TNRC6A: variants seen among roughly 807,000 people sequenced by gnomAD.
TNRC6A encodes trinucleotide repeat-containing gene 6A protein.
TNRC6A carries 44 observed loss-of-function variants against 221.2 expected under a neutral mutation model. That is an observed-to-expected ratio of 0.20 (90% CI 0.16 to 0.26). The LOEUF is 0.26. Ranked by LOEUF, TNRC6A falls within the 10% of genes least tolerant of loss-of-function variation. The pLI is 1.00. For synonymous variants in TNRC6A, 847 were observed against 838.5 expected, an observed-to-expected ratio of 1.01 and a Z score of -0.18; for missense variants, 2,199 against 2,404.4, an observed-to-expected ratio of 0.91 and a Z score of 1.79.
intron 2 of TNRC6A, among the ~76,000 whole-genome samples, chr16:24,693,587 C>T (rs1478583544): frequency 6.6e-6 from 1 of 151,732 alleles, no homozygotes; most frequent in Non-Finnish European, 1.5e-5. Flanking sequence ...GACTCCATCT[C>T]AAAATACATA....
chr16:24,715,304 A>G (rs947483003), intron 2 of TNRC6A, among the ~76,000 whole-genome samples: 1 of 151,128 alleles, frequency 6.6e-6, no homozygotes, highest in African/African-American at 2.4e-5. Context: ...TGAACTTCTG[A>G]GCTCAGGTGA....
At position 24,751,401 on chromosome 16, in the gene TNRC6A, T is replaced by G. The variant is rs914943984; in HGVS notation, c.141+588T>G. Among the ~76,000 whole-genome samples the G allele has an allele frequency of 2.6e-5, 4 of 152,190 alleles. No homozygotes were observed. In the East Asian group the frequency reaches 7.7e-4, roughly 29 times the overall value. ...GTGTACATTAGCCTTAAAATAAACC[T>G]CGGACATTGTTTACTGCAAGGGAAT... On this transcript the variant is annotated intron_variant, in intron 3 of 24. Transcript: ENST00000395799.
intron 2 of TNRC6A, among the ~76,000 whole-genome samples, chr16:24,641,315 C>A (rs779906497): frequency 6.6e-6 from 1 of 152,132 alleles, no homozygotes; most frequent in Non-Finnish European, 1.5e-5. Context: ...GACCCATGCT[C>A]TTTCTGATAT....
chr16:24,680,350 G>T (rs1363480489), intron 2 of TNRC6A, among the ~76,000 whole-genome samples: 1 of 151,816 alleles, frequency 6.6e-6, no homozygotes, highest in African/African-American at 2.4e-5. Context: ...GACTCTGAGA[G>T]GTCCAGGCTA....
intron 2 of TNRC6A, among the ~76,000 whole-genome samples, chr16:24,687,856 G>GAAGAAT (rs1252000271): frequency 2.0e-5 from 3 of 149,872 alleles, no homozygotes; most frequent in African/African-American, 7.3e-5. Context: ...AGAAGAAGAA[G>GAAGAAT]AAGAAGAAGA....
At chr16:24,746,991 G>A (rs969286016) in intron 2 of TNRC6A, among the ~76,000 whole-genome samples, 1 of 152,114 alleles carries the variant, frequency 6.6e-6, no homozygotes, top group Non-Finnish European at 1.5e-5. Context: ...GGCCAGAAAC[G>A]CATTCTTGAA....
chr16:24,697,793 G>A (rs563945305), intron 2 of TNRC6A, among the ~76,000 whole-genome samples: 1 of 152,266 alleles, frequency 6.6e-6, no homozygotes, highest in African/African-American at 2.4e-5. Context: ...TGTAATCCCA[G>A]CACTTTGGGA....
chr16:24,720,483 G>C (rs1284913286), intron 2 of TNRC6A, among the ~76,000 whole-genome samples: 1 of 151,630 alleles, frequency 6.6e-6, no homozygotes, highest in Admixed American at 6.6e-5. Flanking sequence ...GAGGTCAGGA[G>C]TTCGAGACCA....
At chr16:24,768,457 T>C (rs564742602) in intron 4 of TNRC6A, among the ~76,000 whole-genome samples, 1 of 149,018 alleles carries the variant, frequency 6.7e-6, no homozygotes, top group South Asian at 2.1e-4. Flanking sequence ...AAAAAAATCT[T>C]AATTGCAATG....
intron 4 of TNRC6A, among the ~76,000 whole-genome samples, chr16:24,759,947 C>T (rs1362058709): frequency 6.6e-6 from 1 of 152,046 alleles, no homozygotes; most frequent in African/African-American, 2.4e-5. Context: ...TTTCCTAAAA[C>T]TCTATTTTCC....
intron 1 of TNRC6A, among the ~76,000 whole-genome samples, chr16:24,614,045 G>A (rs957561094): frequency 6.6e-6 from 1 of 152,204 alleles, no homozygotes; most frequent in African/African-American, 2.4e-5. Flanking sequence ...TGGGTTCATG[G>A]CCAGTATAGA....
chr16:24,718,073 C>T (rs2056347489), intron 2 of TNRC6A, among the ~76,000 whole-genome samples: 1 of 152,134 alleles, frequency 6.6e-6, no homozygotes, highest in East Asian at 1.9e-4. Context: ...CCCCCACGGC[C>T]TGCCTGTTCA....
At chr16:24,654,395 G>A (rs2560924) in intron 2 of TNRC6A, among the ~76,000 whole-genome samples, 116,276 of 151,750 alleles carry the variant, frequency 0.77, 45,189 homozygotes, top group East Asian at 0.99. Flanking sequence ...AAAATTTTTA[G>A]TAATAGTCCC....
chr16:24,821,720 C>T (rs1044239661), intron 22 of TNRC6A: 2 of 234,404 alleles, frequency 8.5e-6, no homozygotes, highest in Non-Finnish European at 1.7e-5. Flanking sequence ...AGGACACACA[C>T]GCAGAGTGAT....
chr16:24,635,375 C>T (rs1208138527), intron 1 of TNRC6A, among the ~76,000 whole-genome samples: 1 of 152,016 alleles, frequency 6.6e-6, no homozygotes, highest in Admixed American at 6.6e-5. Flanking sequence ...CTCTGCCTCC[C>T]AGGTTCAAGC....
At chr16:24,659,417 G>A (rs561371789) in intron 2 of TNRC6A, among the ~76,000 whole-genome samples, 91 of 152,060 alleles carry the variant, frequency 6.0e-4, no homozygotes, top group African/African-American at 2.0e-3. Context: ...CTCAAAAAAC[G>A]CTCCCTTTTA....
chr16:24,682,976 A>G (rs2055561655), intron 2 of TNRC6A, among the ~76,000 whole-genome samples: 1 of 152,196 alleles, frequency 6.6e-6, no homozygotes, highest in Admixed American at 6.5e-5. Context: ...TTCTAATGGA[A>G]AACTGAGGCT....
chr16:24,770,123 A>G (rs1343781614), intron 4 of TNRC6A, among the ~76,000 whole-genome samples: 1 of 152,234 alleles, frequency 6.6e-6, no homozygotes, highest in Non-Finnish European at 1.5e-5. Context: ...GGCAAAAACG[A>G]CAAAAATATT....
At chr16:24,691,889 C>T (rs1422828742) in intron 2 of TNRC6A, among the ~76,000 whole-genome samples, 1 of 152,136 alleles carries the variant, frequency 6.6e-6, no homozygotes, top group Admixed American at 6.6e-5. Flanking sequence ...CCAGGACTGA[C>T]AGCGGCAATT....
Sources: allele counts gnomAD v4.1 joint callset (sites outside exome capture counted in the v4.1 genomes callset), GRCh38; gene constraint gnomAD v4.1.1; transcripts MANE v1.5; gene names NCBI Gene and HGNC (gene_info 2026-07-23, HGNC 2026-07-21).